The following ATP9A variants were observed in gnomAD, a reference collection of about 807,000 sequenced individuals.
ATP9A encodes the protein probable phospholipid-transporting ATPase IIA.
A neutral mutation model predicts 144.1 loss-of-function variants in ATP9A; 52 were observed. The observed-to-expected ratio is 0.36, with a 90% CI of 0.29 to 0.45. The LOEUF (loss-of-function observed/expected upper bound fraction) is 0.45, where lower values mean the gene tolerates loss of function less well. Among genes scored for constraint, ATP9A ranks in the 20% least tolerant of loss-of-function variants. ATP9A has a pLI of 1.00. For missense variants in ATP9A, 947 were observed against 1,392.7 expected (o/e 0.68, Z 5.09); for synonymous variants, 582 against 557.4 (o/e 1.04, Z -0.62).
At chr20:51,681,571 G>A (rs1269058295) in intron 9 of ATP9A, among the ~76,000 whole-genome samples, 8 of 151,880 alleles carry the variant, frequency 5.3e-5, no homozygotes, top group East Asian at 3.9e-4. Context: ...ACAGGTGCAC[G>A]CTACCACACC....
intron 13 of ATP9A, among the ~76,000 whole-genome samples, chr20:51,665,731 A>G (rs979944038): frequency 2.7e-5 from 4 of 147,890 alleles, no homozygotes; most frequent in African/African-American, 9.8e-5. Flanking sequence ...TCTCAAAAAA[A>G]AAAAAAAAAA....
chr20:51,630,601 C>G (rs1382021728), intron 15 of ATP9A, among the ~76,000 whole-genome samples: 9 of 151,980 alleles, frequency 5.9e-5, no homozygotes, highest in Admixed American at 5.9e-4. Flanking sequence ...ACTCAGGAGG[C>G]AAGGCTGGAG....
chr20:51,617,659 A>T, intron 21 of ATP9A, 105 bp from the exon 22 acceptor site: 1 of 1,286,636 alleles, frequency 7.8e-7, no homozygotes, highest in African/African-American at 1.5e-5. Context: ...GCGCTTGCTG[A>T]GTGCCTGGCC....
chr20:51,655,343 ACTCTG>A, intron 14 of ATP9A, among the ~76,000 whole-genome samples: 1 of 152,332 alleles, frequency 6.6e-6, no homozygotes, highest in Non-Finnish European at 1.5e-5. Context: ...AAATCCCAGC[ACTCTG>A]GGAGATGGAG....
chr20:51,748,534 A>G (rs2077817668), intron 1 of ATP9A, among the ~76,000 whole-genome samples: 1 of 152,194 alleles, frequency 6.6e-6, no homozygotes, highest in Non-Finnish European at 1.5e-5. Context: ...ATTATACAAA[A>G]CTAAAACCAC....
intron 15 of ATP9A, among the ~76,000 whole-genome samples, chr20:51,638,121 A>ATATATATATCTATCTATC (rs2077302889): frequency 9.7e-6 from 1 of 103,024 alleles, no homozygotes; most frequent in Admixed American, 1.0e-4. Flanking sequence ...ATATATATAT[A>ATATATATATCTATCTATC]TATCTCATAG....
At chr20:51,627,506 C>G (rs1264830810) in intron 17 of ATP9A, 94 bp downstream of exon 17, 2 of 1,160,102 alleles carry the variant, frequency 1.7e-6, no homozygotes, top group African/African-American at 3.0e-5. Context: ...GAAATGACAT[C>G]AGAATGGCTC....
rs765398693 is a variant in ATP9A at position 51,729,954 on chromosome 20, G to A, written c.93C>T (p.Cys31=). 1.4e-5 allele frequency: 22 copies of A among 1,566,130 alleles called. No homozygotes were observed. Among genetic ancestry groups the A allele is most frequent in the African/African-American group, 9.7e-5 (7 of 72,060 alleles). Residue 31 remains cysteine, a synonymous_variant, in exon 2 of 28, where the codon TGC becomes TGT. Coordinates refer to ENST00000338821, the MANE Select transcript of ATP9A (RefSeq NM_006045.3). ...TGCGGGGCCTGGCCTCCCCTCCACC[G>A]CAGCATCTCAGCCACTCGCAGCACC... ...RAGCCEWLRC[C]GGGEARPRTV... is the part of the protein sequence containing the mutation.
chr20:51,600,907 A>G lies in ATP9A; in HGVS notation c.*304T>C. The G allele has an allele frequency of 4.1e-6, 1 of 243,826 alleles. No individual in the cohort carries two copies. Among genetic ancestry groups the G allele is most frequent in the African/African-American group, 2.2e-5 (1 of 45,044 alleles). The allele number at this position is 243,826 out of a possible 1,614,324, so 15.1% of individuals were successfully genotyped here. ...ATCATGTGACAACAAAATTCAAGTCATAAGGAAGCTCGCACAGTGACCCAT... is the reference window on the plus strand; with the variant it reads ...ATCATGTGACAACAAAATTCAAGTCGTAAGGAAGCTCGCACAGTGACCCAT... On this transcript the variant is annotated 3_prime_UTR_variant, in exon 28 of 28. Coordinates refer to ENST00000338821, the MANE Select transcript of ATP9A (RefSeq NM_006045.3).
At chr20:51,652,790 C>A (rs963478427) in intron 14 of ATP9A, among the ~76,000 whole-genome samples, 5 of 151,046 alleles carry the variant, frequency 3.3e-5, no homozygotes, top group African/African-American at 1.2e-4. Flanking sequence ...CTGTGCAATA[C>A]AAAATAATAA....
intron 4 of ATP9A, among the ~76,000 whole-genome samples, chr20:51,700,396 C>A (rs925219832): frequency 6.6e-6 from 1 of 152,170 alleles, no homozygotes; most frequent in African/African-American, 2.4e-5. Context: ...GTGATGTGCA[C>A]CTACAGTCCC....
chr20:51,766,462 C>G (rs1035917714), intron 1 of ATP9A, among the ~76,000 whole-genome samples: 1 of 152,210 alleles, frequency 6.6e-6, no homozygotes, highest in Admixed American at 6.5e-5. Context: ...CTCCACTGAT[C>G]ATATTAATTC....
intron 13 of ATP9A, among the ~76,000 whole-genome samples, chr20:51,658,572 T>G (rs1018711289): frequency 7.2e-6 from 1 of 138,200 alleles, no homozygotes. Context: ...CAGGCTGGAG[T>G]GCAGTGGCAT....
At position 51,685,017 on chromosome 20, in the gene ATP9A, TAAAA is replaced by T. The variant is rs11325921; in HGVS notation, c.799+4043_799+4046del. ...CTGAGCGAGACTCCATCTCCAAAAATAAAAAAAAAAAAAAAAAAAAAAATACAAA... is the reference window on the plus strand; with the variant it reads ...CTGAGCGAGACTCCATCTCCAAAAATAAAAAAAAAAAAAAAAAAATACAAA... On this transcript the variant is annotated intron_variant, in intron 9 of 27. Transcript: ENST00000338821. Among the ~76,000 whole-genome samples the T allele has an allele frequency of 5.9e-3, 830 of 139,866 alleles. 5 individuals carry two copies. The highest frequency in any genetic ancestry group is 0.013 in the African/African-American group (512 of 38,922). 91.8% of individuals were successfully genotyped at this position (139,866 alleles called of 152,430 possible).
intron 25 of ATP9A, 135 bp from the exon 26 acceptor site, chr20:51,607,719 C>A (rs2077169198): frequency 3.1e-6 from 2 of 650,898 alleles, no homozygotes; most frequent in Non-Finnish European, 5.5e-6. Flanking sequence ...GGCTCGCACA[C>A]ATCTGAACAC....
At chr20:51,633,904 G>GAGGA in intron 15 of ATP9A, among the ~76,000 whole-genome samples, 1 of 142,930 alleles carries the variant, frequency 7.0e-6, no homozygotes. Context: ...GGGAGGGAGG[G>GAGGA]AGGAAGAAAG....
chr20:51,691,245 T>A (rs1226408274), intron 7 of ATP9A, among the ~76,000 whole-genome samples: 1 of 152,132 alleles, frequency 6.6e-6, no homozygotes, highest in Non-Finnish European at 1.5e-5. Flanking sequence ...AGTGGGCGGA[T>A]CACTTGAGGC....
chr20:51,709,451 G>A (rs926909799), intron 4 of ATP9A, among the ~76,000 whole-genome samples: 2 of 152,190 alleles, frequency 1.3e-5, no homozygotes, highest in African/African-American at 4.8e-5. Flanking sequence ...GGAGGCAGAG[G>A]TTGCAGTGAG....
chr20:51,701,493 T>G (rs1315845663), intron 4 of ATP9A, among the ~76,000 whole-genome samples: 8 of 152,194 alleles, frequency 5.3e-5, no homozygotes, highest in Non-Finnish European at 1.2e-4. Context: ...ATCCATTCAT[T>G]TGAACTCTGC....
Sources: gnomAD v4.1 joint callset for allele counts (sites outside exome capture counted in the v4.1 genomes callset) on GRCh38, gnomAD v4.1.1 for gene constraint, MANE v1.5 for transcripts, NCBI Gene and HGNC (gene_info 2026-07-23, HGNC 2026-07-21) for gene names.